SLC37A3: variants seen among roughly 807,000 people sequenced by gnomAD.
SLC37A3 encodes solute carrier family 37 member 3, also known as sugar phosphate exchanger 3.
Under a neutral mutation model 67.1 loss-of-function variants are expected in SLC37A3, and 51 were observed. The ratio of observed to expected loss-of-function variants is 0.76; its 90% confidence interval spans 0.61 to 0.96. The LOEUF is 0.96. Ranked by LOEUF, SLC37A3 falls within the 40% of genes least tolerant of loss-of-function variation. SLC37A3 has a pLI of 0.00. For synonymous variants in SLC37A3, 214 were observed against 231.4 expected, an observed-to-expected ratio of 0.92 and a Z score of 0.68; for missense variants, 508 against 603.0, an observed-to-expected ratio of 0.84 and a Z score of 1.65.
chr7:140,388,778 C>T (rs2129920632), intron 1 of SLC37A3, among the ~76,000 whole-genome samples: 1 of 152,078 alleles, frequency 6.6e-6, no homozygotes, highest in South Asian at 2.1e-4. Flanking sequence ...CACTGCACTC[C>T]AGCCTGGGCA....
chr7:140,345,978 C>G lies in SLC37A3; in HGVS notation c.1025-8G>C. On this transcript the variant is annotated splice_polypyrimidine_tract_variant and splice_region_variant and intron_variant, in intron 10 of 14. Coordinates refer to ENST00000326232, the MANE Select transcript of SLC37A3 (RefSeq NM_207113.3). ...AGCCTTGCAAAGTTCCACCTTCAAG[C>G]AGAGTGTCGAGCAATCAAAATCACT... is the stretch of plus-strand genomic sequence containing the variant. The G allele has an allele frequency of 6.2e-7, 1 of 1,606,284 alleles. No individual in the cohort carries two copies. The highest frequency in any genetic ancestry group is 2.2e-5 in the East Asian group (1 of 44,818).
At chr7:140,355,912 G>A (rs949194762) in intron 6 of SLC37A3, 148 bp from the exon 7 acceptor site, 24 of 645,750 alleles carry the variant, frequency 3.7e-5, no homozygotes, top group Non-Finnish European at 6.1e-5. Flanking sequence ...ACACTAAAAT[G>A]GGCTGGGCGC....
At chr7:140,357,287 A>G (rs1797068928) in intron 6 of SLC37A3, among the ~76,000 whole-genome samples, 1 of 152,218 alleles carries the variant, frequency 6.6e-6, no homozygotes, top group Admixed American at 6.5e-5. Flanking sequence ...ATATTTACCC[A>G]AGAGAAATGA....
At chr7:140,351,700 A>G (rs1300426220) in intron 8 of SLC37A3, 5 of 570,610 alleles carry the variant, frequency 8.8e-6, no homozygotes, top group African/African-American at 1.9e-5. Context: ...GTATTTAACT[A>G]CAGGTTAAGT....
Position 140,355,729 on chromosome 7 carries a change from G to A in SLC37A3, c.557C>T (p.Ala186Val), listed in dbSNP as rs1796998631. 1.9e-6 allele frequency: 3 copies of A among 1,613,706 alleles called. No individual in the cohort carries two copies. Among genetic ancestry groups the A allele is most frequent in the Non-Finnish European group, 2.5e-6 (3 of 1,179,878 alleles). Reference protein sequence around the residue: ...GVVFGLWSACASVGNILGACL... With the variant: ...GVVFGLWSACVSVGNILGACL... ...CGCTCCCAAAATGTTGCCCACCGAAGCACAGGCACTCCAGAGACCAAAAAC... is the reference window on the plus strand; with the variant it reads ...CGCTCCCAAAATGTTGCCCACCGAAACACAGGCACTCCAGAGACCAAAAAC... The change falls in exon 7 of 15, where the codon GCT (alanine) becomes GTT (valine). Residue 186 changes from alanine to valine, a missense_variant. Transcript: ENST00000326232.
rs371636612 is a variant in SLC37A3, at chr7:140,358,593, T to A, written c.521+47A>T. 3 of 1,609,296 alleles carry A rather than the reference T, an allele frequency of 1.9e-6. No individual in the cohort carries two copies. The South Asian group carries it at 3.3e-5, about 18-fold the overall frequency. ...TTTGACAAGTCTGAAAAATCCACCA[T>A]GGAAACCACTTAAACAGAGAAATTA... On this transcript the variant is annotated intron_variant, in intron 6 of 14. Coordinates refer to ENST00000326232, the MANE Select transcript of SLC37A3 (RefSeq NM_207113.3).
intron 12 of SLC37A3, 66 bp from the exon 13 acceptor site, chr7:140,343,629 C>A: frequency 6.7e-7 from 1 of 1,502,272 alleles, no homozygotes; most frequent in Non-Finnish European, 9.1e-7. Flanking sequence ...CTGCATAAGG[C>A]AAAATAATAT....
At chr7:140,340,024 C>G (rs148877141) in intron 13 of SLC37A3, among the ~76,000 whole-genome samples, 1,809 of 152,318 alleles carry the variant, frequency 0.012, 23 homozygotes, top group Non-Finnish European at 0.019. Flanking sequence ...AGGCTTAAGC[C>G]ACCGCGCCCG....
At chr7:140,389,709 C>A (rs1173814403) in intron 1 of SLC37A3, among the ~76,000 whole-genome samples, 1 of 152,290 alleles carries the variant, frequency 6.6e-6, no homozygotes, top group African/African-American at 2.4e-5. Context: ...TGACTTCGCA[C>A]TGCAGCAACA....
In SLC37A3 at chr7:140,348,651, A is replaced by AATGGAC. The variant is rs1320672131; in HGVS notation, c.993_998dup (p.Ser332_Ile333insMetSer). The AATGGAC allele has an allele frequency of 1.9e-6, 3 of 1,614,038 alleles. No individual in the cohort carries two copies. Among genetic ancestry groups the AATGGAC allele is most frequent in the Non-Finnish European group, 2.5e-6 (3 of 1,179,990 alleles). The stretch of plus-strand genomic sequence containing the variant: ...CTATGATCCCTCCAACGTCGTACCA[A>AATGGAC]ATGGACAGCTTGTCGGCTTCCGCCT... On this transcript the variant is annotated inframe_insertion, in exon 10 of 15. Transcript: ENST00000326232.
chr7:140,353,251 G>A (rs1216867670), intron 7 of SLC37A3, among the ~76,000 whole-genome samples: 2 of 152,080 alleles, frequency 1.3e-5, no homozygotes, highest in East Asian at 3.9e-4. Context: ...GGGAGGCCGA[G>A]GTGGGCGGAT....
rs577185155 is a variant in SLC37A3, at chr7:140,368,287, C to T, written c.291+1303G>A. Among the ~76,000 whole-genome samples the T allele has an allele frequency of 3.3e-5, 5 of 152,202 alleles. No individual in the cohort carries two copies. The South Asian group carries it at 8.3e-4, about 25-fold the overall frequency. The stretch of plus-strand genomic sequence containing the variant: ...TAAATCATCTAAAGGCCAAGGACTC[C>T]GAGCGCAGTGGCTCACGCCTGTAAT... On this transcript the variant is annotated intron_variant, in intron 4 of 14. Coordinates refer to ENST00000326232, the MANE Select transcript of SLC37A3 (RefSeq NM_207113.3).
chr7:140,384,702 G>A (rs1798384098), intron 1 of SLC37A3, among the ~76,000 whole-genome samples: 1 of 152,136 alleles, frequency 6.6e-6, no homozygotes, highest in Non-Finnish European at 1.5e-5. Context: ...CTGTACCACA[G>A]GGTAAGACCT....
intron 6 of SLC37A3, among the ~76,000 whole-genome samples, 187 bp downstream of exon 6, chr7:140,358,453 C>T (rs1797124399): frequency 6.6e-6 from 1 of 152,228 alleles, no homozygotes; most frequent in African/African-American, 2.4e-5. Context: ...GGCTGGATGA[C>T]TTCTAAGGTC....
At chr7:140,382,793 G>A (rs1798309316) in intron 1 of SLC37A3, among the ~76,000 whole-genome samples, 197 bp from the exon 2 acceptor site, 1 of 150,236 alleles carries the variant, frequency 6.7e-6, no homozygotes. Flanking sequence ...AAAAATCCTG[G>A]ACAAAAGATT....
chr7:140,369,548 A>G, intron 4 of SLC37A3, 42 bp downstream of exon 4: 1 of 1,544,410 alleles, frequency 6.5e-7, no homozygotes, highest in Non-Finnish European at 8.9e-7. Flanking sequence ...ATTTATATTT[A>G]CATTTTTCTT....
chr7:140,380,919 C>A (rs1208872696), intron 2 of SLC37A3, among the ~76,000 whole-genome samples: 5 of 117,722 alleles, frequency 4.2e-5, no homozygotes, highest in African/African-American at 1.6e-4. Context: ...TTTTTTGAGA[C>A]AGAGTCTCGC....
At chr7:140,380,020 A>G in intron 3 of SLC37A3, 1 of 244,856 alleles carries the variant, frequency 4.1e-6, no homozygotes, top group Non-Finnish European at 7.8e-6. Context: ...AAACGAGCAC[A>G]GCACTAACGA....
chr7:140,377,161 T>C (rs1001700548), intron 3 of SLC37A3, among the ~76,000 whole-genome samples: 2 of 151,640 alleles, frequency 1.3e-5, no homozygotes, highest in African/African-American at 4.8e-5. Context: ...GCCAGGCTGG[T>C]CTCGAACTCC....
Sources: allele counts gnomAD v4.1 joint callset (sites outside exome capture counted in the v4.1 genomes callset), GRCh38; gene constraint gnomAD v4.1.1; transcripts MANE v1.5; gene names NCBI Gene and HGNC (gene_info 2026-07-23, HGNC 2026-07-21).